MACROD2: variants seen among roughly 807,000 people sequenced by gnomAD.
MACROD2 encodes mono-ADP ribosylhydrolase 2.
MACROD2 carries 36 observed loss-of-function variants against 70.4 expected under a neutral mutation model. That is an observed-to-expected ratio of 0.51 (90% CI 0.39 to 0.68). The LOEUF (loss-of-function observed/expected upper bound fraction) is 0.68. Among genes scored for constraint, MACROD2 ranks in the 30% least tolerant of loss-of-function variants. MACROD2 has a pLI of 0.00. For missense variants in MACROD2, 496 were observed against 538.4 expected, an observed-to-expected ratio of 0.92 and a Z score of 0.78; for synonymous variants, 172 against 178.8, an observed-to-expected ratio of 0.96 and a Z score of 0.30.
intron 3 of MACROD2, among the ~76,000 whole-genome samples, chr20:14,278,915 G>A (rs1199469357): frequency 1.3e-5 from 2 of 152,092 alleles, no homozygotes; most frequent in Non-Finnish European, 2.9e-5. Flanking sequence ...TGAAATGTAA[G>A]CAAGAATCTA....
At chr20:14,585,077 A>G (rs965962097) in intron 4 of MACROD2, among the ~76,000 whole-genome samples, 1 of 152,174 alleles carries the variant, frequency 6.6e-6, no homozygotes, top group African/African-American at 2.4e-5. Context: ...GCTAAGGATC[A>G]TAGTTTAGTT....
chr20:15,493,365 A>AT (rs1018235881), intron 7 of MACROD2, among the ~76,000 whole-genome samples: 6 of 152,102 alleles, frequency 3.9e-5, no homozygotes, highest in Non-Finnish European at 8.8e-5. Flanking sequence ...TTTTATTTTA[A>AT]TTTTTTTCTA....
intron 8 of MACROD2, among the ~76,000 whole-genome samples, chr20:15,564,375 A>C (rs756838697): frequency 2.6e-5 from 4 of 152,206 alleles, no homozygotes; most frequent in Non-Finnish European, 4.4e-5. Context: ...TTGCATGATG[A>C]AAAAGATGGT....
chr20:15,015,610 TC>T (rs1371464076), intron 5 of MACROD2, among the ~76,000 whole-genome samples: 1 of 152,176 alleles, frequency 6.6e-6, no homozygotes, highest in East Asian at 1.9e-4. Context: ...ACAAATTTAA[TC>T]TTCAGTACTT....
chr20:15,221,151 T>G (rs2076857794), intron 5 of MACROD2, among the ~76,000 whole-genome samples: 1 of 152,206 alleles, frequency 6.6e-6, no homozygotes, highest in Non-Finnish European at 1.5e-5. Context: ...AAAGCCGATT[T>G]TCTCCTCACA....
intron 5 of MACROD2, among the ~76,000 whole-genome samples, chr20:15,140,628 G>T (rs947251741): frequency 1.3e-5 from 2 of 152,122 alleles, no homozygotes; most frequent in Non-Finnish European, 2.9e-5. Context: ...TTGTGACTGT[G>T]ATGTTCTCTT....
intron 4 of MACROD2, among the ~76,000 whole-genome samples, chr20:14,584,665 GGACACATTCA>G (rs952816527): frequency 6.6e-6 from 1 of 151,974 alleles, no homozygotes; most frequent in African/African-American, 2.4e-5. Context: ...TTTGGTGGGG[GGACACATTCA>G]GTCCACAGCA....
chr20:14,761,806 A>T (rs887649578), intron 5 of MACROD2, among the ~76,000 whole-genome samples: 1 of 152,116 alleles, frequency 6.6e-6, no homozygotes, highest in Admixed American at 6.5e-5. Context: ...TAGTCCCCGC[A>T]CATAAACCTA....
intron 4 of MACROD2, among the ~76,000 whole-genome samples, chr20:14,669,218 A>G (rs2070768919): frequency 6.6e-6 from 1 of 152,210 alleles, no homozygotes; most frequent in Non-Finnish European, 1.5e-5. Context: ...TCTCCTCTCC[A>G]GAGTTACAGA....
At chr20:15,340,571 A>T (rs1452785256) in intron 6 of MACROD2, among the ~76,000 whole-genome samples, 1 of 152,178 alleles carries the variant, frequency 6.6e-6, no homozygotes, top group Non-Finnish European at 1.5e-5. Context: ...ACAGGTAATT[A>T]CTTGGTGAAC....
chr20:15,913,576 G>A (rs2065267520), intron 10 of MACROD2, among the ~76,000 whole-genome samples: 1 of 152,150 alleles, frequency 6.6e-6, no homozygotes, highest in African/African-American at 2.4e-5. Flanking sequence ...CCTGAAAATT[G>A]TAACATACAT....
At position 16,041,215 on chromosome 20, in the gene MACROD2, A is replaced by C. The variant is rs953348777; in HGVS notation, c.1168A>C (p.Thr390Pro). Residue 390 changes from threonine to proline, a missense_variant, in exon 16 of 18, where the codon ACA becomes CCA. Transcript: ENST00000684519. ...KEGEKAPGED[T>P]PRMPGKSEGS... Reference sequence around the variant, plus strand: ...TTCTCTTCCAGCTCCAGGCGAGGACACACCTAGGATGCCTGGGAAAAGTGA... The same window carrying C: ...TTCTCTTCCAGCTCCAGGCGAGGACCCACCTAGGATGCCTGGGAAAAGTGA... 6.2e-7 allele frequency: 1 copy of C among 1,611,636 alleles called. No individual in the cohort carries two copies. Among genetic ancestry groups the C allele is most frequent in the African/African-American group, 1.3e-5 (1 of 74,682 alleles).
chr20:14,584,348 G>T (rs186963209), intron 4 of MACROD2, among the ~76,000 whole-genome samples: 1 of 152,074 alleles, frequency 6.6e-6, no homozygotes, highest in Non-Finnish European at 1.5e-5. Context: ...CTGTGTTTTA[G>T]TTAGGGTTGC....
At chr20:14,302,421 G>A (rs1349780934) in intron 3 of MACROD2, among the ~76,000 whole-genome samples, 2 of 152,162 alleles carry the variant, frequency 1.3e-5, no homozygotes, top group Non-Finnish European at 2.9e-5. Flanking sequence ...TTATAAAAGA[G>A]TGAAAATCAT....
At chr20:14,789,304 A>G (rs1188048539) in intron 5 of MACROD2, among the ~76,000 whole-genome samples, 1 of 151,846 alleles carries the variant, frequency 6.6e-6, no homozygotes, top group East Asian at 1.9e-4. Flanking sequence ...CCTGGTTTTC[A>G]TTAGTTAGAT....
intron 5 of MACROD2, among the ~76,000 whole-genome samples, chr20:14,974,552 A>G (rs2074721072): frequency 6.6e-6 from 1 of 152,114 alleles, no homozygotes; most frequent in Non-Finnish European, 1.5e-5. Context: ...CTGATTTTAT[A>G]CTTTTGCTAT....
At chr20:15,170,431 C>A (rs1334371367) in intron 5 of MACROD2, among the ~76,000 whole-genome samples, 1 of 152,116 alleles carries the variant, frequency 6.6e-6, no homozygotes, top group Non-Finnish European at 1.5e-5. Context: ...TCAGGTAGGA[C>A]CAGCTTCTGG....
chr20:14,043,939 A>G (rs1161499164), intron 2 of MACROD2, among the ~76,000 whole-genome samples: 1 of 152,190 alleles, frequency 6.6e-6, no homozygotes, highest in African/African-American at 2.4e-5. Flanking sequence ...CACCTGCATA[A>G]AGCCAGGATT....
chr20:14,700,225 TA>T (rs1387638804), intron 5 of MACROD2, among the ~76,000 whole-genome samples: 1 of 152,116 alleles, frequency 6.6e-6, no homozygotes, highest in Non-Finnish European at 1.5e-5. Flanking sequence ...GTGTGTAATA[TA>T]TACCTATAGA....
Sources: gnomAD v4.1 joint callset for allele counts (sites outside exome capture counted in the v4.1 genomes callset) on GRCh38, gnomAD v4.1.1 for gene constraint, MANE v1.5 for transcripts, NCBI Gene and HGNC (gene_info 2026-07-23, HGNC 2026-07-21) for gene names.